Variants in KCTD8 observed in about 807,000 individuals in gnomAD.
The protein encoded by KCTD8 is potassium channel tetramerization domain containing 8.
Under a neutral mutation model 31.5 loss-of-function variants are expected in KCTD8, and 27 were observed. The observed-to-expected ratio is 0.86, with a 90% CI of 0.63 to 1.18. KCTD8 has a LOEUF of 1.18. Among genes scored for constraint, KCTD8 ranks in the 50% most tolerant of loss-of-function variants. KCTD8 has a pLI of 0.00. For missense variants in KCTD8, 658 were observed against 647.7 expected, an observed-to-expected ratio of 1.02 and a Z score of -0.17; for synonymous variants, 290 against 280.0, an observed-to-expected ratio of 1.04 and a Z score of -0.36.
chr4:44,369,831 GA>G (rs1356595268), intron 1 of KCTD8, among the ~76,000 whole-genome samples: 1 of 151,794 alleles, frequency 6.6e-6, no homozygotes, highest in Admixed American at 6.6e-5. Flanking sequence ...AAAGGCACAA[GA>G]AATTACAGTA....
At chr4:44,431,591 C>G (rs6855284) in intron 1 of KCTD8, among the ~76,000 whole-genome samples, 1 of 150,942 alleles carries the variant, frequency 6.6e-6, no homozygotes. Flanking sequence ...ACAACAACAA[C>G]AAAAAAAACC....
intron 1 of KCTD8, among the ~76,000 whole-genome samples, chr4:44,353,613 C>G (rs1173291534): frequency 6.6e-6 from 1 of 151,904 alleles, no homozygotes; most frequent in Non-Finnish European, 1.5e-5. Context: ...CCTCTTTATC[C>G]CCCTTCTCAT....
intron 1 of KCTD8, among the ~76,000 whole-genome samples, chr4:44,219,712 G>A (rs760058418): frequency 3.3e-5 from 5 of 152,126 alleles, no homozygotes; most frequent in Non-Finnish European, 5.9e-5. Context: ...CTGCCCAATT[G>A]TGGTGATTTG....
chr4:44,175,875 C>T (rs1347972621), intron 1 of KCTD8, among the ~76,000 whole-genome samples: 1 of 152,024 alleles, frequency 6.6e-6, no homozygotes, highest in Admixed American at 6.6e-5. Flanking sequence ...TATATAGGGG[C>T]CTAATATTAT....
intron 1 of KCTD8, among the ~76,000 whole-genome samples, chr4:44,300,526 T>C (rs374539931): frequency 2.4e-4 from 36 of 152,306 alleles, no homozygotes; most frequent in African/African-American, 7.7e-4. Context: ...TGTATTGCCA[T>C]CTCTTTTTAA....
At chr4:44,336,810 G>C (rs1184775159) in intron 1 of KCTD8, among the ~76,000 whole-genome samples, 1 of 151,914 alleles carries the variant, frequency 6.6e-6, no homozygotes, top group African/African-American at 2.4e-5. Flanking sequence ...TTAGGAGATA[G>C]AGAAATAATT....
At chr4:44,441,596 G>A (rs143131709) in intron 1 of KCTD8, among the ~76,000 whole-genome samples, 31 of 152,170 alleles carry the variant, frequency 2.0e-4, no homozygotes, top group African/African-American at 7.2e-4. Flanking sequence ...ATTTTTCAAC[G>A]TTTTAAGAGT....
chr4:44,353,216 A>G (rs1719257962), intron 1 of KCTD8, among the ~76,000 whole-genome samples: 1 of 152,094 alleles, frequency 6.6e-6, no homozygotes, highest in Non-Finnish European at 1.5e-5. Flanking sequence ...AAAGTTAGAA[A>G]TCTTTTGTGT....
intron 1 of KCTD8, among the ~76,000 whole-genome samples, chr4:44,409,911 A>T (rs556820128): frequency 2.6e-5 from 4 of 152,158 alleles, no homozygotes; most frequent in Non-Finnish European, 5.9e-5. Context: ...ACACAAAAAA[A>T]GATTCAAAGT....
chr4:44,418,850 A>G (rs1200172454), intron 1 of KCTD8, among the ~76,000 whole-genome samples: 1 of 152,208 alleles, frequency 6.6e-6, no homozygotes, highest in East Asian at 1.9e-4. Context: ...ACATAACAGT[A>G]AATGATCTAA....
rs186374713 is a variant in KCTD8, at chr4:44,200,641, T to C, written c.962-25391A>G. Among the ~76,000 whole-genome samples the C allele has an allele frequency of 2.5e-3, 381 of 152,164 alleles. 1 individual carries two copies. The highest frequency in any genetic ancestry group is 8.3e-3 in the African/African-American group (347 of 41,564). On this transcript the variant is annotated intron_variant, in intron 1 of 1. Transcript: ENST00000360029. Reference sequence around the variant, plus strand: ...ATAAAAACCATCAACAGGCTAGGCATTGAAGAAACATACCTCAAAATCATA... The same window carrying C: ...ATAAAAACCATCAACAGGCTAGGCACTGAAGAAACATACCTCAAAATCATA...
intron 1 of KCTD8, among the ~76,000 whole-genome samples, chr4:44,291,208 G>C (rs1321372730): frequency 6.6e-6 from 1 of 152,098 alleles, no homozygotes; most frequent in Non-Finnish European, 1.5e-5. Context: ...AGGAAGTCTA[G>C]AGGAAATAGA....
chr4:44,197,277 A>G (rs1344400444), intron 1 of KCTD8, among the ~76,000 whole-genome samples: 1 of 152,118 alleles, frequency 6.6e-6, no homozygotes, highest in Non-Finnish European at 1.5e-5. Context: ...TCCACAGGGC[A>G]AGTCCAGGAA....
At chr4:44,317,535 G>GTTTATGTATT (rs1406801459) in intron 1 of KCTD8, among the ~76,000 whole-genome samples, 5 of 141,090 alleles carry the variant, frequency 3.5e-5, no homozygotes, top group African/African-American at 1.6e-4. Context: ...CACCGCGCCC[G>GTTTATGTATT]GCCCGGGTGC....
At chr4:44,316,717 G>A (rs1465315976) in intron 1 of KCTD8, among the ~76,000 whole-genome samples, 4 of 146,454 alleles carry the variant, frequency 2.7e-5, no homozygotes, top group African/African-American at 1.0e-4. Flanking sequence ...TTGGGAGGCC[G>A]AGGCGGGCCA....
intron 1 of KCTD8, among the ~76,000 whole-genome samples, chr4:44,299,843 C>T (rs1036249829): frequency 1.3e-5 from 2 of 149,374 alleles, no homozygotes; most frequent in Non-Finnish European, 3.0e-5. Context: ...ACCTCCGTCT[C>T]CTGGGTTCAC....
At chr4:44,437,557 G>A (rs763524039) in intron 1 of KCTD8, among the ~76,000 whole-genome samples, 1 of 151,882 alleles carries the variant, frequency 6.6e-6, no homozygotes, top group African/African-American at 2.4e-5. Context: ...TTTGAAAATC[G>A]TTAAATGAAA....
chr4:44,252,910 T>C (rs191555638), intron 1 of KCTD8, among the ~76,000 whole-genome samples: 1 of 151,724 alleles, frequency 6.6e-6, no homozygotes, highest in Non-Finnish European at 1.5e-5. Context: ...GAGTGACAGT[T>C]TGAAGGTTCA....
chr4:44,187,939 A>T (rs538118314), intron 1 of KCTD8, among the ~76,000 whole-genome samples: 1 of 151,472 alleles, frequency 6.6e-6, no homozygotes, highest in Non-Finnish European at 1.5e-5. Flanking sequence ...TAAGGGAAGC[A>T]GAGGTTGTGG....
Sources: gnomAD v4.1 joint callset for allele counts (sites outside exome capture counted in the v4.1 genomes callset) on GRCh38, gnomAD v4.1.1 for gene constraint, MANE v1.5 for transcripts, NCBI Gene and HGNC (gene_info 2026-07-23, HGNC 2026-07-21) for gene names.